The following LEPR variants were observed in gnomAD, a reference collection of about 807,000 sequenced individuals.
The protein encoded by LEPR is OB receptor.
LEPR carries 56 observed loss-of-function variants against 114.7 expected under a neutral mutation model. The ratio of observed to expected loss-of-function variants is 0.49; its 90% CI spans 0.39 to 0.61. The LOEUF (loss-of-function observed/expected upper bound fraction) is 0.61. Ranked by LOEUF, LEPR falls within the 20% of genes least tolerant of loss-of-function variation. The pLI is 0.00. For missense variants in LEPR, 1,202 were observed against 1,352.9 expected (o/e 0.89, Z 1.75); for synonymous variants, 443 against 461.4 (o/e 0.96, Z 0.51).
intron 5 of LEPR, among the ~76,000 whole-genome samples, chr1:65,588,683 A>C (rs1358814781): frequency 6.6e-6 from 1 of 152,174 alleles, no homozygotes; most frequent in Admixed American, 6.6e-5. Context: ...ACTTTATATA[A>C]ATGCAATCAT....
At chr1:65,569,227 C>A (rs149177917) in intron 3 of LEPR, among the ~76,000 whole-genome samples, 1 of 152,262 alleles carries the variant, frequency 6.6e-6, no homozygotes, top group Non-Finnish European at 1.5e-5. Context: ...ATGTTTACTT[C>A]TATTTCCTTA....
intron 2 of LEPR, among the ~76,000 whole-genome samples, chr1:65,439,853 G>A (rs976705914): frequency 6.8e-6 from 1 of 147,930 alleles, no homozygotes; most frequent in Non-Finnish European, 1.5e-5. Context: ...AAAAAAGCTG[G>A]GCGCAGTGGC....
At chr1:65,465,203 C>T (rs748303220) in intron 2 of LEPR, among the ~76,000 whole-genome samples, 15 of 152,074 alleles carry the variant, frequency 9.9e-5, no homozygotes, top group Non-Finnish European at 5.9e-5. Context: ...TAAAAGTGTC[C>T]CAGAGATTCT....
chr1:65,587,873 A>G (rs3828039), intron 5 of LEPR, among the ~76,000 whole-genome samples: 46,522 of 151,824 alleles, frequency 0.31, 8,010 homozygotes, highest in East Asian at 0.83. Context: ...GGATGCTCAT[A>G]TATATGCTAG....
At chr1:65,525,415 G>T (rs1649868892) in intron 2 of LEPR, among the ~76,000 whole-genome samples, 1 of 152,128 alleles carries the variant, frequency 6.6e-6, no homozygotes, top group African/African-American at 2.4e-5. Context: ...CCTCCCTGCG[G>T]GCAGGGGTCC....
At chr1:65,515,219 T>G (rs568652106) in intron 2 of LEPR, among the ~76,000 whole-genome samples, 2 of 152,200 alleles carry the variant, frequency 1.3e-5, no homozygotes, top group Non-Finnish European at 1.5e-5. Context: ...CTTAAGTCAC[T>G]GTGAGTTCTC....
chr1:65,634,306 A>G (rs889723914), intron 19 of LEPR: 1 of 983,476 alleles, frequency 1.0e-6, no homozygotes, highest in African/African-American at 1.7e-5. Context: ...AACGGGAAGA[A>G]TGTGTCTTTC....
chr1:65,525,967 A>T, intron 2 of LEPR: 1 of 774,708 alleles, frequency 1.3e-6, no homozygotes, highest in Non-Finnish European at 1.6e-6. Flanking sequence ...TAGCGGGACC[A>T]CCAGAGGGGC....
intron 5 of LEPR, chr1:65,576,846 C>T: frequency 3.4e-6 from 1 of 294,516 alleles, no homozygotes; most frequent in Non-Finnish European, 6.8e-6. Context: ...GAAGAACTTA[C>T]CTCCACACAC....
intron 2 of LEPR, among the ~76,000 whole-genome samples, chr1:65,523,413 C>T (rs12089884): frequency 0.02 from 3,106 of 152,092 alleles, 50 homozygotes; most frequent in Admixed American, 0.028. Context: ...TGGATTCAAC[C>T]GATTCTCTTG....
intron 2 of LEPR, among the ~76,000 whole-genome samples, chr1:65,463,034 T>C (rs773206382): frequency 1.0e-3 from 154 of 152,114 alleles, no homozygotes; most frequent in Non-Finnish European, 1.9e-3. Context: ...CTTTTGTTGC[T>C]ATTGCTTTTG....
intron 2 of LEPR, among the ~76,000 whole-genome samples, chr1:65,470,384 G>A (rs1349870996): frequency 6.6e-6 from 1 of 152,124 alleles, no homozygotes; most frequent in Non-Finnish European, 1.5e-5. Flanking sequence ...ATCTTTGGCT[G>A]GTCTTTCCTA....
chr1:65,471,466 AAGCG>A (rs1647082005), intron 2 of LEPR, among the ~76,000 whole-genome samples: 1 of 152,228 alleles, frequency 6.6e-6, no homozygotes, highest in African/African-American at 2.4e-5. Context: ...TAGTCCCAGA[AAGCG>A]TTAGGGAATG....
intron 2 of LEPR, among the ~76,000 whole-genome samples, chr1:65,511,740 C>A (rs1170102567): frequency 6.6e-6 from 1 of 152,036 alleles, no homozygotes; most frequent in African/African-American, 2.4e-5. Context: ...GAGAGACTAG[C>A]AAATGCAGGA....
At chr1:65,584,418 T>G (rs1655188274) in intron 5 of LEPR, among the ~76,000 whole-genome samples, 1 of 152,114 alleles carries the variant, frequency 6.6e-6, no homozygotes, top group South Asian at 2.1e-4. Flanking sequence ...TCTATATATC[T>G]CTGTATGTAC....
intron 6 of LEPR, 108 bp from the exon 7 acceptor site, chr1:65,596,340 T>A: frequency 7.3e-7 from 1 of 1,367,020 alleles, no homozygotes; most frequent in African/African-American, 1.4e-5. Flanking sequence ...ACCTTTTAAG[T>A]ACTTGAAAGG....
intron 2 of LEPR, among the ~76,000 whole-genome samples, chr1:65,464,634 G>T (rs758892200): frequency 6.6e-6 from 1 of 152,156 alleles, no homozygotes; most frequent in Admixed American, 6.5e-5. Flanking sequence ...GGTAGAATTT[G>T]GCTGTGAATC....
chr1:65,454,411 C>A (rs372261658), intron 2 of LEPR, among the ~76,000 whole-genome samples: 1 of 151,898 alleles, frequency 6.6e-6, no homozygotes, highest in Non-Finnish European at 1.5e-5. Context: ...GATTTTGCAG[C>A]GGCTGGTACC....
chr1:65,565,094 G>A lies in LEPR; in HGVS notation c.-20-452G>A, dbSNP rs915189771. On this transcript the variant is annotated intron_variant, in intron 2 of 19. Coordinates refer to ENST00000349533, the MANE Select transcript of LEPR (RefSeq NM_002303.6). ...AAATAAATAGGCAGTTGTTACCTAT[G>A]CAATAATTATTTGGCCTTACAATAT... 2.6e-5 allele frequency among the ~76,000 whole-genome samples: 4 copies of A among 152,272 alleles called. No individual in the cohort carries two copies. The East Asian group carries it at 7.7e-4, about 29-fold the overall frequency.
Sources: gnomAD v4.1 joint callset for allele counts (sites outside exome capture counted in the v4.1 genomes callset) on GRCh38, gnomAD v4.1.1 for gene constraint, MANE v1.5 for transcripts, NCBI Gene and HGNC (gene_info 2026-07-23, HGNC 2026-07-21) for gene names.